Variants in NDRG3 observed in about 807,000 individuals in gnomAD.
The protein encoded by NDRG3 is protein NDRG3.
NDRG3 carries 23 observed loss-of-function variants against 57.2 expected under a neutral mutation model. The ratio of observed to expected loss-of-function variants is 0.40; its 90% CI spans 0.29 to 0.57. The LOEUF is 0.57. NDRG3 is among the 20% of genes least tolerant of loss of function. NDRG3 has a pLI of 0.42. For missense variants in NDRG3, 384 were observed against 457.3 expected, an observed-to-expected ratio of 0.84 and a Z score of 1.46; for synonymous variants, 132 against 162.6, an observed-to-expected ratio of 0.81 and a Z score of 1.43.
At chr20:36,715,395 G>C (rs955367654) in intron 2 of NDRG3, among the ~76,000 whole-genome samples, 3 of 151,406 alleles carry the variant, frequency 2.0e-5, no homozygotes, top group Non-Finnish European at 4.4e-5. Flanking sequence ...TACATTAAGG[G>C]ACACCCACTC....
intron 6 of NDRG3, among the ~76,000 whole-genome samples, chr20:36,684,152 C>T (rs754637438): frequency 1.3e-5 from 2 of 152,208 alleles, no homozygotes; most frequent in Admixed American, 6.5e-5. Context: ...TTCTAGGTCT[C>T]AGCGTGTGTG....
At chr20:36,708,943 CAGG>C (rs1486326815) in intron 2 of NDRG3, among the ~76,000 whole-genome samples, 1 of 152,168 alleles carries the variant, frequency 6.6e-6, no homozygotes, top group Non-Finnish European at 1.5e-5. Flanking sequence ...GAGGCTGAGG[CAGG>C]AGAATTGCTT....
At chr20:36,675,649 G>T (rs1239128333) in intron 8 of NDRG3, among the ~76,000 whole-genome samples, 1 of 152,046 alleles carries the variant, frequency 6.6e-6, no homozygotes, top group Non-Finnish European at 1.5e-5. Context: ...GCCTCCCAAA[G>T]TGCTGGGATT....
intron 9 of NDRG3, among the ~76,000 whole-genome samples, chr20:36,671,000 T>C (rs955736285): frequency 6.6e-6 from 1 of 152,176 alleles, no homozygotes; most frequent in African/African-American, 2.4e-5. Flanking sequence ...TCAAGGTTTT[T>C]CCCCCTGAAA....
chr20:36,688,968 C>T (rs955716005), intron 3 of NDRG3, among the ~76,000 whole-genome samples, 184 bp from the exon 4 acceptor site: 8 of 152,070 alleles, frequency 5.3e-5, no homozygotes, highest in African/African-American at 7.2e-5. Flanking sequence ...CCTAGGTGGT[C>T]GGATCACTTG....
chr20:36,728,707 C>T (rs959660162), intron 1 of NDRG3, among the ~76,000 whole-genome samples: 50 of 152,124 alleles, frequency 3.3e-4, no homozygotes, highest in African/African-American at 1.2e-3. Flanking sequence ...TGGTTCAAGG[C>T]ATTTTGGTTT....
At chr20:36,673,662 C>T (rs1980383333) in intron 8 of NDRG3, among the ~76,000 whole-genome samples, 1 of 151,660 alleles carries the variant, frequency 6.6e-6, no homozygotes, top group Admixed American at 6.6e-5. Flanking sequence ...GATCCGCCCA[C>T]TTTAATGAAT....
intron 1 of NDRG3, among the ~76,000 whole-genome samples, chr20:36,735,970 CA>C (rs576981000): frequency 0.038 from 1,942 of 50,978 alleles, 28 homozygotes; most frequent in African/African-American, 0.12. Context: ...GGCCCTGTCT[CA>C]AAAAAAAAAA....
rs149932286 is a variant in NDRG3 at position 36,721,172 on chromosome 20, C to T, written c.57+507G>A. On this transcript the variant is annotated intron_variant, in intron 2 of 15. Transcript: ENST00000349004. The stretch of plus-strand genomic sequence containing the variant: ...AAATCTCAAAGATAACGTGATTGAA[C>T]GTGGCTCATGGAAACAAAAGTAGGA... Among the ~76,000 whole-genome samples the T allele has an allele frequency of 2.6e-5, 4 of 151,904 alleles. No individual in the cohort carries two copies. The East Asian group carries it at 5.8e-4, about 22-fold the overall frequency.
intron 1 of NDRG3, among the ~76,000 whole-genome samples, chr20:36,725,345 C>A (rs945289597): frequency 6.6e-6 from 1 of 151,572 alleles, no homozygotes; most frequent in Non-Finnish European, 1.5e-5. Context: ...AATGGTGGCT[C>A]ACGCCTGTAA....
intron 3 of NDRG3, among the ~76,000 whole-genome samples, chr20:36,697,464 T>C (rs1044784283): frequency 1.3e-5 from 2 of 152,144 alleles, no homozygotes; most frequent in African/African-American, 2.4e-5. Context: ...CCCAGCACTT[T>C]GGGAGGCTGA....
Position 36,681,685 on chromosome 20 carries a change from TATTTA to T in NDRG3, c.445-788_445-784del, listed in dbSNP as rs368610528. Among the ~76,000 whole-genome samples the T allele has an allele frequency of 5.1e-3, 776 of 151,724 alleles. 7 individuals carry two copies. The highest frequency in any genetic ancestry group is 0.017 in the African/African-American group (719 of 41,388). ...TAATAGGAGCTCTAGCTCTCTAGCT[TATTTA>T]ATTTAATTTAATTTAATTTTCTTTT... On this transcript the variant is annotated intron_variant, in intron 7 of 15. Coordinates refer to ENST00000349004, the MANE Select transcript of NDRG3 (RefSeq NM_032013.4).
At chr20:36,664,497 T>TA (rs1293916613) in intron 12 of NDRG3, among the ~76,000 whole-genome samples, 12 of 152,274 alleles carry the variant, frequency 7.9e-5, no homozygotes, top group African/African-American at 2.9e-4. Flanking sequence ...AAGTAAATGG[T>TA]GTTTAGTTGT....
intron 1 of NDRG3, among the ~76,000 whole-genome samples, chr20:36,743,988 G>C (rs6016385): frequency 0.9 from 119,874 of 133,184 alleles, 54,314 homozygotes; most frequent in African/African-American, 0.98. Flanking sequence ...GCAAGCTCCA[G>C]CTCCCGGGTT....
At chr20:36,733,173 T>A (rs1024608944) in intron 1 of NDRG3, among the ~76,000 whole-genome samples, 645 of 26,098 alleles carry the variant, frequency 0.025, 6 homozygotes, top group East Asian at 0.051. Flanking sequence ...AAAAAAAAAA[T>A]ATATATATAT....
At chr20:36,674,890 T>C (rs1309905849) in intron 8 of NDRG3, among the ~76,000 whole-genome samples, 1 of 104,542 alleles carries the variant, frequency 9.6e-6, no homozygotes, top group Non-Finnish European at 1.8e-5. Context: ...AGCCAGATTT[T>C]TTTTTTTTTT....
chr20:36,709,651 A>C (rs1267132867), intron 2 of NDRG3, among the ~76,000 whole-genome samples: 1 of 152,178 alleles, frequency 6.6e-6, no homozygotes, highest in Non-Finnish European at 1.5e-5. Context: ...ACTTCTTCAG[A>C]GAAATCATTG....
chr20:36,679,504 ATT>A (rs1317685294), intron 8 of NDRG3, among the ~76,000 whole-genome samples: 5 of 142,994 alleles, frequency 3.5e-5, no homozygotes, highest in Admixed American at 7.1e-5. Flanking sequence ...TTAAATTGCA[ATT>A]TTTTTTTTTT....
intron 8 of NDRG3, among the ~76,000 whole-genome samples, chr20:36,673,713 G>GT (rs1268347788): frequency 6.6e-6 from 1 of 152,100 alleles, no homozygotes; most frequent in Non-Finnish European, 1.5e-5. Flanking sequence ...AATATTCTGG[G>GT]TTTGCAATTT....
Sources: gnomAD v4.1 joint callset for allele counts (sites outside exome capture counted in the v4.1 genomes callset) on GRCh38, gnomAD v4.1.1 for gene constraint, MANE v1.5 for transcripts, NCBI Gene and HGNC (gene_info 2026-07-23, HGNC 2026-07-21) for gene names.